Variants in SIDT1 observed in about 807,000 individuals in gnomAD.
SIDT1 encodes the protein SID1 transmembrane family member 1.
A neutral mutation model predicts 107.5 loss-of-function variants in SIDT1; 101 were observed. The observed-to-expected ratio is 0.94, with a 90% confidence interval of 0.80 to 1.11. The LOEUF (loss-of-function observed/expected upper bound fraction) is 1.11. SIDT1 is among the 50% of genes least tolerant of loss of function. The pLI, the probability that SIDT1 is intolerant of heterozygous loss-of-function variation, is 0.00. For missense variants in SIDT1, 1,076 were observed against 1,058.2 expected (o/e 1.02, Z -0.23); for synonymous variants, 395 against 398.2 (o/e 0.99, Z 0.10).
rs1290453054 is a variant in SIDT1 at position 113,566,491 on chromosome 3, C to A, written c.294C>A (p.Arg98=). ...ACTACCCGGTCCTTGTTGTGGTTCG[C>A]CAGCAGAAAGAGGTGCTGTCCTGGC... The part of the protein sequence containing the change: ...NLNYPVLVVV[R]QQKEVLSWQV... The change falls in exon 2 of 25, where the codon CGC becomes CGA. Residue 98 remains arginine, a synonymous_variant. Transcript: ENST00000264852. 2 of 1,614,134 alleles carry A rather than the reference C, an allele frequency of 1.2e-6. No homozygotes were observed. The highest frequency in any genetic ancestry group is 3.3e-5 in the Admixed American group (2 of 60,022).
intron 10 of SIDT1, among the ~76,000 whole-genome samples, chr3:113,599,361 A>T (rs1413030843): frequency 6.6e-6 from 1 of 152,232 alleles, no homozygotes; most frequent in East Asian, 1.9e-4. Context: ...GTGCTTTTTT[A>T]AAATGTGAGT....
At position 113,584,827 on chromosome 3, in the gene SIDT1, T is replaced by C; in HGVS notation, c.907+58T>C. 4 of 1,147,716 alleles carry C rather than the reference T, an allele frequency of 3.5e-6. No individual in the cohort carries two copies. In the South Asian group the frequency reaches 5.6e-5, roughly 16 times the overall value. The allele number at this position is 1,147,716 out of a possible 1,614,324, so 71.1% of individuals were successfully genotyped here. The stretch of plus-strand genomic sequence containing the variant: ...TTCCTGTGTCAGAAAATCAGTCATA[T>C]AATTTGATATTACTGTCATCCTTCC... On this transcript the variant is annotated intron_variant, in intron 8 of 24. Coordinates refer to ENST00000264852, the MANE Select transcript of SIDT1 (RefSeq NM_017699.3).
intron 1 of SIDT1, among the ~76,000 whole-genome samples, chr3:113,541,816 T>C (rs1938909308): frequency 6.6e-6 from 1 of 152,212 alleles, no homozygotes; most frequent in African/African-American, 2.4e-5. Flanking sequence ...AAAATTTTTT[T>C]CCTTCCCTTA....
intron 1 of SIDT1, among the ~76,000 whole-genome samples, chr3:113,553,529 C>T (rs559570750): frequency 3.1e-4 from 47 of 152,202 alleles, no homozygotes; most frequent in Non-Finnish European, 5.4e-4. Context: ...CTGCCTCAAA[C>T]CAGAAAAATA....
At chr3:113,633,663 A>G (rs778067418), downstream of SIDT1, among the ~76,000 whole-genome samples, 1 of 152,240 alleles carries the variant, frequency 6.6e-6, no homozygotes, top group Non-Finnish European at 1.5e-5. Context: ...AGCTAGAAGG[A>G]AAAGAAAACT....
intron 19 of SIDT1, 167 bp from the exon 20 acceptor site, chr3:113,615,933 A>G (rs1946072534): frequency 3.1e-6 from 2 of 650,350 alleles, no homozygotes; most frequent in Non-Finnish European, 2.8e-6. Context: ...TGACGATACC[A>G]TTTTTCAAAG....
chr3:113,584,821 G>A (rs756215051), intron 8 of SIDT1, 52 bp downstream of exon 8: 34 of 1,276,002 alleles, frequency 2.7e-5, no homozygotes, highest in Non-Finnish European at 3.5e-5. Flanking sequence ...CAGAAAATCA[G>A]TCATATAATT....
chr3:113,611,951 A>C (rs1042936215), intron 18 of SIDT1, 135 bp from the exon 19 acceptor site: 1 of 610,602 alleles, frequency 1.6e-6, no homozygotes, highest in Non-Finnish European at 2.9e-6. Context: ...GATCCATGGG[A>C]GTTTCCAGAG....
At chr3:113,611,998 A>G (rs1945785434) in intron 18 of SIDT1, 88 bp from the exon 19 acceptor site, 3 of 902,708 alleles carry the variant, frequency 3.3e-6, no homozygotes, top group South Asian at 1.4e-5. Flanking sequence ...GCTGTTTTTG[A>G]CTCCTTACAC....
downstream of SIDT1, among the ~76,000 whole-genome samples, chr3:113,630,636 C>T (rs1947084561): frequency 6.6e-6 from 1 of 152,212 alleles, no homozygotes; most frequent in African/African-American, 2.4e-5. Context: ...AAACACTATT[C>T]ACAGAAGGAA....
intron 21 of SIDT1, among the ~76,000 whole-genome samples, chr3:113,620,351 T>G (rs1050672292): frequency 1.3e-5 from 2 of 152,180 alleles, no homozygotes; most frequent in African/African-American, 4.8e-5. Flanking sequence ...GATGTGTATT[T>G]TTGCTAGCCA....
downstream of SIDT1, among the ~76,000 whole-genome samples, chr3:113,632,038 AC>A (rs1947098623): frequency 6.6e-6 from 1 of 151,950 alleles, no homozygotes; most frequent in South Asian, 2.1e-4. Context: ...TATTCATTTC[AC>A]TGGAGATGAA....
At chr3:113,630,985 C>T (rs144452397), downstream of SIDT1, among the ~76,000 whole-genome samples, 1,321 of 152,272 alleles carry the variant, frequency 8.7e-3, 18 homozygotes, top group African/African-American at 0.029. Context: ...AGAGACACTG[C>T]CCACAGCTGT....
the SIDT1 span, among the ~76,000 whole-genome samples, chr3:113,636,794 C>T: frequency 8.5e-5 from 13 of 152,146 alleles, no homozygotes; most frequent in African/African-American, 3.1e-4. Context: ...CAGGAGGAAA[C>T]GGGCAAAGGA....
chr3:113,572,944 T>C (rs1942584718), intron 3 of SIDT1, among the ~76,000 whole-genome samples: 2 of 152,134 alleles, frequency 1.3e-5, no homozygotes, highest in African/African-American at 2.4e-5. Flanking sequence ...TGTGTCATAC[T>C]ATATAATTAC....
chr3:113,607,499 T>G (rs925648793), intron 15 of SIDT1, among the ~76,000 whole-genome samples: 2 of 152,232 alleles, frequency 1.3e-5, no homozygotes, highest in Admixed American at 6.5e-5. Flanking sequence ...TTGCTGAAGG[T>G]CCCTCAGCTG....
At chr3:113,566,397 C>A in intron 1 of SIDT1, 23 bp from the exon 2 acceptor site, 1 of 1,607,482 alleles carries the variant, frequency 6.2e-7, no homozygotes, top group Non-Finnish European at 8.5e-7. Flanking sequence ...TTTTGCATTA[C>A]CTCTTTCTAC....
rs1946067415 is a variant in SIDT1, at chr3:113,615,893, T to A, written c.1967-207T>A. 1.0e-5 allele frequency: 6 copies of A among 587,252 alleles called. No individual in the cohort carries two copies. The East Asian group carries it at 1.4e-4, about 14-fold the overall frequency. The allele number at this position is 587,252 out of a possible 1,614,324, so 36.4% of individuals were successfully genotyped here. ...ATGTCCATCTTCCTTGCCTTTCTGCTGTGTAATGCACAGATATGGCATCCC... is the reference window on the plus strand; with the variant it reads ...ATGTCCATCTTCCTTGCCTTTCTGCAGTGTAATGCACAGATATGGCATCCC... On this transcript the variant is annotated intron_variant, in intron 19 of 24. Coordinates refer to ENST00000264852, the MANE Select transcript of SIDT1 (RefSeq NM_017699.3).
intron 1 of SIDT1, among the ~76,000 whole-genome samples, chr3:113,538,136 A>T (rs1373643339): frequency 6.6e-6 from 1 of 152,148 alleles, no homozygotes; most frequent in Non-Finnish European, 1.5e-5. Context: ...CCTGTGACCC[A>T]ATTACTTTCC....
Sources: gnomAD v4.1 joint callset for allele counts (sites outside exome capture counted in the v4.1 genomes callset) on GRCh38, gnomAD v4.1.1 for gene constraint, MANE v1.5 for transcripts, NCBI Gene and HGNC (gene_info 2026-07-23, HGNC 2026-07-21) for gene names.